Variants in ST7 observed in about 807,000 individuals in gnomAD.
The protein encoded by ST7 is suppressor of tumorigenicity 7 protein.
In ST7, 28 loss-of-function variants were observed where a neutral mutation model predicts 78.7. The ratio of observed to expected loss-of-function variants is 0.36; its 90% CI spans 0.26 to 0.49. ST7 has a LOEUF of 0.49. Ranked by LOEUF, ST7 falls within the 20% of genes least tolerant of loss-of-function variation. The pLI is 0.99. For synonymous variants in ST7, 247 were observed against 249.6 expected (o/e 0.99, Z 0.10); for missense variants, 418 against 696.0 (o/e 0.60, Z 4.49).
intron 1 of ST7, among the ~76,000 whole-genome samples, chr7:117,052,274 T>C (rs1330704781): frequency 6.6e-6 from 1 of 152,232 alleles, no homozygotes; most frequent in Non-Finnish European, 1.5e-5. Flanking sequence ...CTAGAAAGAT[T>C]ATCTTTCCTC....
chr7:117,172,536 T>C (rs1038053698), intron 10 of ST7, among the ~76,000 whole-genome samples: 1 of 152,202 alleles, frequency 6.6e-6, no homozygotes, highest in African/African-American at 2.4e-5. Flanking sequence ...GTAAACAAAA[T>C]AAAGACTGTT....
At chr7:117,020,274 A>G in intron 1 of ST7, 1 of 348,050 alleles carries the variant, frequency 2.9e-6, no homozygotes, top group South Asian at 5.3e-5. Flanking sequence ...TGCTGCTCCC[A>G]GTCCTGCCCC....
intron 13 of ST7, among the ~76,000 whole-genome samples, chr7:117,210,321 A>G (rs1792178232): frequency 6.6e-6 from 1 of 152,136 alleles, no homozygotes; most frequent in African/African-American, 2.4e-5. Flanking sequence ...CCTTTGTGGG[A>G]GGGTTGGCTA....
At chr7:117,148,469 AT>A (rs1805983971) in intron 9 of ST7, among the ~76,000 whole-genome samples, 1 of 152,030 alleles carries the variant, frequency 6.6e-6, no homozygotes, top group Admixed American at 6.6e-5. Context: ...TATACTTTTG[AT>A]TGCTATGTTT....
intron 9 of ST7, among the ~76,000 whole-genome samples, chr7:117,166,284 A>G (rs1807547264): frequency 6.6e-6 from 1 of 152,148 alleles, no homozygotes; most frequent in Admixed American, 6.6e-5. Flanking sequence ...TATAGTTTGT[A>G]TCCTGCTTTC....
chr7:117,227,349 G>A (rs1260251143), intron 15 of ST7, among the ~76,000 whole-genome samples: 1 of 152,078 alleles, frequency 6.6e-6, no homozygotes, highest in Non-Finnish European at 1.5e-5. Flanking sequence ...TCTGTTTTTG[G>A]CCAAGTCTTC....
At chr7:117,083,702 A>T (rs892860046) in intron 1 of ST7, among the ~76,000 whole-genome samples, 1 of 152,240 alleles carries the variant, frequency 6.6e-6, no homozygotes, top group African/African-American at 2.4e-5. Flanking sequence ...TTATATGATT[A>T]TATAGCATGA....
chr7:117,153,250 G>A (rs1289992012), intron 9 of ST7, among the ~76,000 whole-genome samples: 2 of 152,120 alleles, frequency 1.3e-5, no homozygotes, highest in Non-Finnish European at 2.9e-5. Flanking sequence ...GGATGGGTGG[G>A]CAGGAGGAAT....
intron 1 of ST7, among the ~76,000 whole-genome samples, chr7:117,031,547 T>C (rs865891955): frequency 0.1 from 31 of 308 alleles, 14 homozygotes; most frequent in South Asian, 1. Context: ...TGTGTATATG[T>C]GCATATATAT....
At chr7:117,028,772 C>T (rs1796328210) in intron 1 of ST7, among the ~76,000 whole-genome samples, 1 of 152,134 alleles carries the variant, frequency 6.6e-6, no homozygotes, top group Admixed American at 6.5e-5. Context: ...TCTGTCAGTG[C>T]TGTAGTCATC....
chr7:116,962,757 T>C (rs1792897750), intron 1 of ST7, among the ~76,000 whole-genome samples: 1 of 152,226 alleles, frequency 6.6e-6, no homozygotes, highest in Non-Finnish European at 1.5e-5. Context: ...CTGATGATAG[T>C]TTCTTTTGCT....
At chr7:117,164,675 A>T (rs1268797846) in intron 9 of ST7, among the ~76,000 whole-genome samples, 1 of 152,236 alleles carries the variant, frequency 6.6e-6, no homozygotes, top group Non-Finnish European at 1.5e-5. Flanking sequence ...CAAAGATGAT[A>T]CAATAGCATT....
intron 1 of ST7, among the ~76,000 whole-genome samples, chr7:117,097,898 ATATATATATATTTTT>A (rs1212456758): frequency 7.7e-5 from 2 of 25,918 alleles, no homozygotes; most frequent in African/African-American, 3.6e-4. Context: ...ATATATATAT[ATATATATATATTTTT>A]TTTTTTTTTT....
intron 15 of ST7, chr7:117,223,780 T>A: frequency 6.0e-6 from 1 of 168,040 alleles, no homozygotes; most frequent in Non-Finnish European, 1.2e-5. Context: ...GTTGAAAACT[T>A]GTCTGTCCCA....
At chr7:117,095,419 G>A (rs1800955993) in intron 1 of ST7, among the ~76,000 whole-genome samples, 1 of 152,116 alleles carries the variant, frequency 6.6e-6, no homozygotes, top group South Asian at 2.1e-4. Flanking sequence ...TTAATTTTCA[G>A]TCCATGTACC....
intron 1 of ST7, among the ~76,000 whole-genome samples, chr7:117,051,851 AGT>A: frequency 6.6e-6 from 1 of 152,290 alleles, no homozygotes; most frequent in South Asian, 2.1e-4. Flanking sequence ...GATGGATGGG[AGT>A]GCCATTAGCT....
At chr7:117,196,595 GT>G (rs1405050118) in intron 12 of ST7, among the ~76,000 whole-genome samples, 12 of 103,938 alleles carry the variant, frequency 1.2e-4, no homozygotes, top group Non-Finnish European at 2.3e-4. Context: ...CTTTTGCCAA[GT>G]TTTAAATCAG....
At chr7:117,064,656 C>T (rs1049069833) in intron 1 of ST7, among the ~76,000 whole-genome samples, 2 of 152,180 alleles carry the variant, frequency 1.3e-5, no homozygotes, top group Non-Finnish European at 2.9e-5. Flanking sequence ...TTATTTGTTG[C>T]TTCATAAAGC....
Position 116,993,301 on chromosome 7 carries a change from G to A in ST7, c.151+39610G>A, listed in dbSNP as rs546592848. ...TTAATTGGACTTACAATTCCACATG[G>A]CTGGGGAGGCCTCAGAATCATGGCA... On this transcript the variant is annotated intron_variant, in intron 1 of 15. Coordinates refer to ENST00000323984, the MANE Select transcript of ST7 (RefSeq NM_001369598.1). 3.3e-5 allele frequency among the ~76,000 whole-genome samples: 5 copies of A among 152,296 alleles called. No individual in the cohort carries two copies. The South Asian group carries it at 1.0e-3, about 32-fold the overall frequency.
Sources: allele counts gnomAD v4.1 joint callset (sites outside exome capture counted in the v4.1 genomes callset), GRCh38; gene constraint gnomAD v4.1.1; transcripts MANE v1.5; gene names NCBI Gene and HGNC (gene_info 2026-07-23, HGNC 2026-07-21).